The following ZNF44 variants were observed in gnomAD, a reference collection of about 807,000 sequenced individuals.
The protein encoded by ZNF44 is gonadotropin inducible transcription repressor-2.
In ZNF44, 9 loss-of-function variants were observed where a neutral mutation model predicts 11.7. The ratio of observed to expected loss-of-function variants is 0.77; its 90% confidence interval spans 0.46 to 1.35. The LOEUF (loss-of-function observed/expected upper bound fraction) is 1.35. ZNF44 is among the 40% of genes most tolerant of loss of function. ZNF44 has a pLI of 0.00. For missense variants in ZNF44, 696 were observed against 743.1 expected (o/e 0.94, Z 0.74); for synonymous variants, 224 against 242.7 (o/e 0.92, Z 0.72).
At position 12,284,768 on chromosome 19, in the gene ZNF44, C is replaced by A. The variant is rs574832239; in HGVS notation, c.4-8686G>T. ...CAGCCACTGCCATCCGCGGGGCCAT[C>A]ATCCTGGCCAAGCTCTCCACTGTCC... On this transcript the variant is annotated intron_variant, in intron 1 of 3. Coordinates refer to ENST00000355684, the MANE Select transcript of ZNF44 (RefSeq NM_016264.4). 414 of 979,260 alleles carry A rather than the reference C, an allele frequency of 4.2e-4. 2 individuals are homozygous for A. In the South Asian group the frequency reaches 5.3e-3, roughly 13 times the overall value. The allele number at this position is 979,260 out of a possible 1,614,324, so 60.7% of individuals were successfully genotyped here.
chr19:12,274,525 C>T (rs912428873), intron 3 of ZNF44, among the ~76,000 whole-genome samples: 5 of 151,626 alleles, frequency 3.3e-5, no homozygotes, highest in East Asian at 1.9e-4. Context: ...CCACCCACCT[C>T]GGCCTCCCAA....
At chr19:12,286,878 T>C (rs1384389401) in intron 1 of ZNF44, among the ~76,000 whole-genome samples, 3 of 151,604 alleles carry the variant, frequency 2.0e-5, no homozygotes, top group Non-Finnish European at 4.4e-5. Context: ...TGAGCCAAGA[T>C]TGCACCACTG....
At chr19:12,248,575 C>T (rs1916852012) in exon 8 of ZNF44, 3 of 1,292,564 alleles carry the variant, frequency 2.3e-6, no homozygotes, top group Non-Finnish European at 3.0e-6. Flanking sequence ...AGCTTTCCTC[C>T]AGAAGGAGTT....
chr19:12,279,840 CA>C (rs1448458405), intron 1 of ZNF44, among the ~76,000 whole-genome samples: 1 of 115,380 alleles, frequency 8.7e-6, no homozygotes, highest in Non-Finnish European at 1.7e-5. Context: ...GAAGGTAAAA[CA>C]ATTGAAATTA....
At chr19:12,267,689 T>C (rs116896815), downstream of ZNF44, among the ~76,000 whole-genome samples, 331 of 152,116 alleles carry the variant, frequency 2.2e-3, 7 homozygotes, top group South Asian at 0.035. Context: ...CAATCTTCCC[T>C]TCAAGATCTT....
intron 5 of ZNF44, chr19:12,260,676 C>T: frequency 1.7e-6 from 1 of 588,924 alleles, no homozygotes; most frequent in Admixed American, 3.2e-5. Context: ...AACCCAGGAC[C>T]ACTTTAAGGA....
chr19:12,238,863 C>T (rs1260699430), upstream of ZNF44, among the ~76,000 whole-genome samples: 3 of 152,228 alleles, frequency 2.0e-5, no homozygotes, highest in Admixed American at 1.3e-4. Context: ...AAGGAAAAGC[C>T]GCATTCAGAA....
chr19:12,266,491 G>T (rs1185431649), intron 5 of ZNF44, among the ~76,000 whole-genome samples: 2 of 152,200 alleles, frequency 1.3e-5, no homozygotes, highest in Non-Finnish European at 2.9e-5. Flanking sequence ...TGATTGGACT[G>T]TTGGCACGGC....
intron 3 of ZNF44, among the ~76,000 whole-genome samples, chr19:12,226,997 AG>A (rs1377407777): frequency 1.3e-5 from 2 of 152,022 alleles, no homozygotes; most frequent in Non-Finnish European, 2.9e-5. Flanking sequence ...ATGTAGGAGG[AG>A]GCTGCAGTGA....
chr19:12,259,801 C>G (rs1255336396), intron 5 of ZNF44, among the ~76,000 whole-genome samples: 1 of 152,200 alleles, frequency 6.6e-6, no homozygotes. Flanking sequence ...TGTTATCCCC[C>G]ACTAAACCCA....
chr19:12,236,919 G>A (rs1340212225), intron 1 of ZNF44, among the ~76,000 whole-genome samples: 1 of 152,144 alleles, frequency 6.6e-6, no homozygotes, highest in Non-Finnish European at 1.5e-5. Context: ...CAAATAAGGC[G>A]ACTTATAACC....
intron 1 of ZNF44, among the ~76,000 whole-genome samples, chr19:12,292,577 C>A (rs1157630446): frequency 6.6e-6 from 1 of 152,106 alleles, no homozygotes; most frequent in Non-Finnish European, 1.5e-5. Context: ...TATCACCTGG[C>A]ACATCCGCCA....
chr19:12,239,719 G>A (rs1447661442), upstream of ZNF44, among the ~76,000 whole-genome samples: 2 of 151,436 alleles, frequency 1.3e-5, no homozygotes, highest in African/African-American at 2.4e-5. Context: ...GACTACAGGC[G>A]CATGCCACCA....
At chr19:12,255,904 C>G (rs1459151998) in intron 5 of ZNF44, among the ~76,000 whole-genome samples, 2 of 151,866 alleles carry the variant, frequency 1.3e-5, no homozygotes, top group Admixed American at 6.6e-5. Flanking sequence ...GGCGTGGTGA[C>G]ACGTGCCTGT....
At chr19:12,258,456 T>C (rs1473102313) in intron 5 of ZNF44, among the ~76,000 whole-genome samples, 1 of 151,872 alleles carries the variant, frequency 6.6e-6, no homozygotes, top group Non-Finnish European at 1.5e-5. Context: ...TTACATTGAG[T>C]CATATTAACT....
Position 12,273,138 on chromosome 19 carries a change from A to G in ZNF44, c.1117T>C (p.Leu373=). 6.2e-7 allele frequency: 1 copy of G among 1,613,396 alleles called. No individual in the cohort carries two copies. Among genetic ancestry groups the G allele is most frequent in the South Asian group, 1.1e-5 (1 of 91,064 alleles). The change falls in exon 4 of 4, where the codon TTG becomes CTG. Residue 373 remains leucine, a synonymous_variant. Transcript: ENST00000355684. ...CGAAAGCTTGAGCGATGAGATAACA[A>G]TTTCCCACATTGCTTACATTCATAG... ...KPYECKQCGK[L]LSHRSSFRRH...
intron 1 of ZNF44, among the ~76,000 whole-genome samples, chr19:12,281,899 A>G (rs577138126): frequency 1.3e-4 from 20 of 152,364 alleles, no homozygotes; most frequent in African/African-American, 4.8e-4. Context: ...AATGTCCCAG[A>G]AAAAATAAGC....
At chr19:12,292,855 GTTTTTTTTTTTTTTTTT>G (rs71166664) in intron 1 of ZNF44, among the ~76,000 whole-genome samples, 1 of 76,916 alleles carries the variant, frequency 1.3e-5, no homozygotes, top group Non-Finnish European at 2.4e-5. Context: ...CAGAGGTTAG[GTTTTTTTTTTTTTTTTT>G]TTTTTTTTGA....
intron 1 of ZNF44, among the ~76,000 whole-genome samples, chr19:12,293,071 T>C (rs2145776816): frequency 6.6e-6 from 1 of 152,158 alleles, no homozygotes; most frequent in East Asian, 1.9e-4. Context: ...GGTTTCACCA[T>C]GTTGGCCAGG....
Sources: allele counts gnomAD v4.1 joint callset (sites outside exome capture counted in the v4.1 genomes callset), GRCh38; gene constraint gnomAD v4.1.1; transcripts MANE v1.5; gene names NCBI Gene and HGNC (gene_info 2026-07-23, HGNC 2026-07-21).